The following DOCK9 variants were observed in gnomAD, a reference collection of about 807,000 sequenced individuals.
The protein encoded by DOCK9 is dedicator of cytokinesis protein 9.
A neutral mutation model predicts 263.3 loss-of-function variants in DOCK9; 89 were observed. That is an observed-to-expected ratio of 0.34 (90% CI 0.28 to 0.40). DOCK9 has a LOEUF of 0.40. DOCK9 is among the 10% of genes least tolerant of loss of function. The pLI, the probability that DOCK9 is intolerant of heterozygous loss-of-function variation, is 1.00. For missense variants in DOCK9, 2,140 were observed against 2,603.4 expected (o/e 0.82, Z 3.87); for synonymous variants, 976 against 973.1 (o/e 1.00, Z -0.06).
At chr13:99,050,124 T>C (rs1184661970) in intron 1 of DOCK9, among the ~76,000 whole-genome samples, 2 of 152,192 alleles carry the variant, frequency 1.3e-5, no homozygotes, top group East Asian at 3.8e-4. Flanking sequence ...CTGTCTAAAA[T>C]TTCAAGCCAT....
At chr13:99,044,180 C>A (rs750082161) in intron 1 of DOCK9, among the ~76,000 whole-genome samples, 21 of 152,208 alleles carry the variant, frequency 1.4e-4, no homozygotes, top group Non-Finnish European at 2.8e-4. Flanking sequence ...AAAGCCAGGG[C>A]CAACCCTGTG....
chr13:98,902,486 T>C lies in DOCK9; in HGVS notation c.1182A>G (p.Glu394=). Reference sequence around the variant, plus strand: ...ACAGGGATAGAGTAACAAAGAAAGGTTCAACCTGAACAAAACAAAACAATC... The same window carrying C: ...ACAGGGATAGAGTAACAAAGAAAGGCTCAACCTGAACAAAACAAAACAATC... ...ENEEGPTTNV[E]PFFVTLSLFD... is the part of the protein sequence containing the mutation. Residue 394 remains glutamate (E), a synonymous_variant, in exon 12 of 53, where the codon GAA becomes GAG. Coordinates refer to ENST00000682017, the MANE Select transcript of DOCK9 (RefSeq NM_001366683.2). 2 of 1,613,428 alleles carry C rather than the reference T, an allele frequency of 1.2e-6. No individual in the cohort carries two copies. The highest frequency in any genetic ancestry group is 3.3e-5 in the Admixed American group (2 of 59,992).
intron 46 of DOCK9, 80 bp from the exon 47 acceptor site, chr13:98,809,545 G>A: frequency 8.4e-7 from 1 of 1,191,454 alleles, no homozygotes; most frequent in East Asian, 2.4e-5. Flanking sequence ...TGATAATGGA[G>A]GTGAAAAGTC....
intron 27 of DOCK9, 79 bp from the exon 28 acceptor site, chr13:98,868,456 T>A: frequency 6.9e-7 from 1 of 1,459,264 alleles, no homozygotes. Context: ...CATCCCTGAG[T>A]CCATCTTAAA....
At chr13:99,056,312 AT>A (rs2040920369) in intron 1 of DOCK9, among the ~76,000 whole-genome samples, 1 of 79,820 alleles carries the variant, frequency 1.3e-5, no homozygotes. Flanking sequence ...GTTTGGGCAC[AT>A]TAAATGGTAC....
chr13:99,014,194 T>C (rs546438506), intron 1 of DOCK9, among the ~76,000 whole-genome samples: 3 of 152,204 alleles, frequency 2.0e-5, no homozygotes, highest in Non-Finnish European at 2.9e-5. Flanking sequence ...GCTTGCCGCA[T>C]GGGAGGGGCA....
intron 44 of DOCK9, chr13:98,826,120 T>C (rs1359363169): frequency 2.2e-6 from 1 of 454,842 alleles, no homozygotes; most frequent in Non-Finnish European, 3.9e-6. Flanking sequence ...TTCACACTAT[T>C]TCTCACTTCG....
At chr13:98,850,887 A>G (rs1474098398) in intron 35 of DOCK9, among the ~76,000 whole-genome samples, 1 of 152,102 alleles carries the variant, frequency 6.6e-6, no homozygotes, top group Non-Finnish European at 1.5e-5. Context: ...GCATTCTTAT[A>G]TTTTACACTG....
intron 1 of DOCK9, among the ~76,000 whole-genome samples, chr13:99,050,939 C>G (rs779003091): frequency 1.3e-5 from 2 of 152,164 alleles, no homozygotes; most frequent in Non-Finnish European, 2.9e-5. Context: ...GCTGCCAGGA[C>G]GTAAGGCCAA....
intron 30 of DOCK9, among the ~76,000 whole-genome samples, chr13:98,865,245 G>GT (rs1167666581): frequency 1.3e-5 from 2 of 152,018 alleles, no homozygotes; most frequent in East Asian, 1.9e-4. Context: ...TTTTGTTTCT[G>GT]TTTTTTTGTA....
chr13:98,877,417 T>A (rs193127659), intron 27 of DOCK9, among the ~76,000 whole-genome samples: 4 of 152,352 alleles, frequency 2.6e-5, no homozygotes, highest in Non-Finnish European at 5.9e-5. Flanking sequence ...TCCTTGTATG[T>A]ATTCCTGGAA....
intron 1 of DOCK9, among the ~76,000 whole-genome samples, chr13:98,992,264 T>C (rs922124006): frequency 1.3e-5 from 2 of 152,110 alleles, no homozygotes; most frequent in African/African-American, 4.8e-5. Flanking sequence ...GTCAGGATCA[T>C]TTAGAGAGCT....
rs1301784615 is a variant in DOCK9 at position 98,904,708 on chromosome 13, T to C, written c.961-2A>G. On this transcript the variant is annotated splice_acceptor_variant, in intron 9 of 52. Transcript: ENST00000682017. LOFTEE classifies it high-confidence loss of function. ...TTTGATTTCTGCTTCTCTTGCACTC[T>C]GATAACAAGATACATGAAAATTACA... is the stretch of plus-strand genomic sequence containing the variant. The C allele has an allele frequency of 6.5e-7, 1 of 1,549,958 alleles. No homozygotes were observed. Among genetic ancestry groups the C allele is most frequent in the Non-Finnish European group, 8.7e-7 (1 of 1,146,894 alleles).
intron 1 of DOCK9, among the ~76,000 whole-genome samples, chr13:99,010,860 T>C (rs1040554546): frequency 2.8e-4 from 43 of 152,264 alleles, no homozygotes; most frequent in African/African-American, 9.4e-4. Context: ...TCCTTAGTGA[T>C]GGTAAAAAGG....
intron 1 of DOCK9, among the ~76,000 whole-genome samples, chr13:98,968,715 A>G (rs1373718872): frequency 1.3e-5 from 2 of 152,216 alleles, no homozygotes; most frequent in African/African-American, 2.4e-5. Context: ...TATACAGGTA[A>G]TTTTTTAAAC....
intron 1 of DOCK9, among the ~76,000 whole-genome samples, chr13:98,976,727 T>C (rs746207947): frequency 3.3e-5 from 5 of 152,234 alleles, no homozygotes; most frequent in Non-Finnish European, 5.9e-5. Flanking sequence ...AAGACCATGA[T>C]ATTTTACTAA....
intron 1 of DOCK9, among the ~76,000 whole-genome samples, chr13:99,037,907 A>G (rs996290033): frequency 2.0e-5 from 3 of 152,220 alleles, no homozygotes; most frequent in African/African-American, 4.8e-5. Flanking sequence ...GAGTAACACA[A>G]AACAGATCTG....
intron 8 of DOCK9, among the ~76,000 whole-genome samples, chr13:98,915,031 A>T (rs2050661575): frequency 6.6e-6 from 1 of 152,172 alleles, no homozygotes; most frequent in African/African-American, 2.4e-5. Flanking sequence ...CAGAAAACAT[A>T]AGTTGTTTAC....
chr13:98,931,504 T>C (rs2053929319), intron 2 of DOCK9, among the ~76,000 whole-genome samples: 1 of 152,050 alleles, frequency 6.6e-6, no homozygotes, highest in Non-Finnish European at 1.5e-5. Context: ...TTCACCGTGT[T>C]AGCCAGGATG....
Sources: allele counts gnomAD v4.1 joint callset (sites outside exome capture counted in the v4.1 genomes callset), GRCh38; gene constraint gnomAD v4.1.1; transcripts MANE v1.5; gene names NCBI Gene and HGNC (gene_info 2026-07-23, HGNC 2026-07-21).